NIPSNAP1: variants seen among roughly 807,000 people sequenced by gnomAD.
NIPSNAP1 encodes the protein nipsnap homolog 1.
In NIPSNAP1, 25 loss-of-function variants were observed where a neutral mutation model predicts 49.2. That is an observed-to-expected ratio of 0.51 (90% confidence interval 0.37 to 0.71). NIPSNAP1 has a LOEUF of 0.71. Ranked by LOEUF, NIPSNAP1 falls within the 30% of genes least tolerant of loss-of-function variation. NIPSNAP1 has a pLI of 0.00. For missense variants in NIPSNAP1, 294 were observed against 361.0 expected, an observed-to-expected ratio of 0.81 and a Z score of 1.50; for synonymous variants, 143 against 140.7, an observed-to-expected ratio of 1.02 and a Z score of -0.12.
intron 1 of NIPSNAP1, 107 bp from the exon 2 acceptor site, chr22:29,570,639 G>A (rs992472315): frequency 6.9e-7 from 1 of 1,446,654 alleles, no homozygotes; most frequent in African/African-American, 1.4e-5. Flanking sequence ...ACATTTCTGG[G>A]AACAGGGCCA....
At chr22:29,560,611 A>G in intron 8 of NIPSNAP1, 123 bp downstream of exon 8, 1 of 815,858 alleles carries the variant, frequency 1.2e-6, no homozygotes, top group Non-Finnish European at 2.2e-6. Context: ...CTTTACATCT[A>G]AGATAGTGTC....
At chr22:29,561,479 A>C in intron 6 of NIPSNAP1, 27 bp downstream of exon 6, 1 of 1,613,616 alleles carries the variant, frequency 6.2e-7, no homozygotes, top group Non-Finnish European at 8.5e-7. Flanking sequence ...ATTGGGGGGC[A>C]GGAGGGGGTC....
intron 4 of NIPSNAP1, among the ~76,000 whole-genome samples, chr22:29,565,994 A>C (rs2064365799): frequency 1.3e-5 from 2 of 152,170 alleles, no homozygotes; most frequent in African/African-American, 4.8e-5. Context: ...AGGAGTGTTC[A>C]AGGGAAGTTT....
intron 1 of NIPSNAP1, among the ~76,000 whole-genome samples, chr22:29,576,240 G>T (rs1375280387): frequency 6.6e-6 from 1 of 150,718 alleles, no homozygotes; most frequent in Non-Finnish European, 1.5e-5. Context: ...GGCTGGTCTC[G>T]AACTCCTGAC....
rs779336004 is a variant in NIPSNAP1 at position 29,555,899 on chromosome 22, A to G, written c.*36T>C. On this transcript the variant is annotated 3_prime_UTR_variant, in exon 10 of 10. Coordinates refer to ENST00000216121, the MANE Select transcript of NIPSNAP1 (RefSeq NM_003634.4). ...TGCCACTGTCTGTCGGGGTTGCCTG[A>G]GGGAGAAGGGGAAGGAGGTGGAGGT... 4.5e-6 allele frequency: 7 copies of G among 1,544,634 alleles called. No homozygotes were observed. The South Asian group carries it at 8.3e-5, about 18-fold the overall frequency.
At chr22:29,566,526 A>G (rs1002140677) in intron 4 of NIPSNAP1, among the ~76,000 whole-genome samples, 1 of 152,196 alleles carries the variant, frequency 6.6e-6, no homozygotes, top group Non-Finnish European at 1.5e-5. Context: ...ATAAATTTCA[A>G]TAGCTACATG....
chr22:29,575,744 TCA>T (rs2064447097), intron 1 of NIPSNAP1, among the ~76,000 whole-genome samples: 1 of 150,056 alleles, frequency 6.7e-6, no homozygotes, highest in Non-Finnish European at 1.5e-5. Context: ...AGATGGAGTC[TCA>T]GTCTGTCGTC....
At chr22:29,580,856 A>T (rs533870281) in intron 1 of NIPSNAP1, 129 bp downstream of exon 1, 4 of 734,758 alleles carry the variant, frequency 5.4e-6, no homozygotes, top group Non-Finnish European at 8.5e-6. Flanking sequence ...CTAGGCCTTG[A>T]TCCTGCCCCG....
chr22:29,565,851 G>C (rs771028182), intron 4 of NIPSNAP1, among the ~76,000 whole-genome samples: 3 of 152,200 alleles, frequency 2.0e-5, no homozygotes, highest in Non-Finnish European at 4.4e-5. Context: ...GTTAATGTCT[G>C]TTACGGAAAC....
At chr22:29,570,976 C>T (rs2064403883) in intron 1 of NIPSNAP1, among the ~76,000 whole-genome samples, 1 of 152,102 alleles carries the variant, frequency 6.6e-6, no homozygotes. Flanking sequence ...CCTCACTCTC[C>T]AGGTGTGCTC....
chr22:29,580,995 C>G lies in NIPSNAP1; in HGVS notation c.88G>C (p.Ala30Pro). ...TGGCCGGGCTCTCACCGCGCCGCAGCTGCAGACGCAACGTCCCCAGCGCGA... is the reference window on the plus strand; with the variant it reads ...TGGCCGGGCTCTCACCGCGCCGCAGGTGCAGACGCAACGTCCCCAGCGCGA... Reference protein sequence around the residue: ...GPRAGDVASAAAARFYSKDNE... With the variant: ...GPRAGDVASAPAARFYSKDNE... The change falls in exon 1 of 10, where the codon GCT (alanine) becomes CCT (proline). Residue 30 changes from alanine (A) to proline (P), a missense_variant. Ala to Pro is a conservative substitution (Grantham distance 27). Around this residue, in one of 4 missense-constraint regions of NIPSNAP1, gnomAD observed 88 missense variants for 76.1 expected, o/e 1.16. Coordinates refer to ENST00000216121, the MANE Select transcript of NIPSNAP1 (RefSeq NM_003634.4). 1 of 1,532,038 alleles carries G rather than the reference C, an allele frequency of 6.5e-7. No homozygotes were observed. The highest frequency in any genetic ancestry group is 8.7e-7 in the Non-Finnish European group (1 of 1,144,204). The allele number at this position is 1,532,038 out of a possible 1,614,324, so 94.9% of individuals were successfully genotyped here.
intron 1 of NIPSNAP1, chr22:29,580,085 A>T (rs1447785657): frequency 7.7e-7 from 1 of 1,303,772 alleles, no homozygotes; most frequent in Non-Finnish European, 1.0e-6. Flanking sequence ...GGGAGGGGGA[A>T]CAGGTGGCCT....
intron 4 of NIPSNAP1, among the ~76,000 whole-genome samples, chr22:29,563,723 C>CA (rs1172444326): frequency 6.6e-6 from 1 of 151,882 alleles, no homozygotes. Context: ...GTGTCCTTAT[C>CA]AGAAGTGGGA....
intron 1 of NIPSNAP1, chr22:29,580,207 G>T: frequency 7.7e-7 from 1 of 1,303,700 alleles, no homozygotes; most frequent in African/African-American, 1.5e-5. Context: ...AGACAGACAA[G>T]CACCAAGTCA....
chr22:29,562,094 G>A, intron 4 of NIPSNAP1, among the ~76,000 whole-genome samples: 1 of 152,168 alleles, frequency 6.6e-6, no homozygotes, highest in East Asian at 1.9e-4. Flanking sequence ...CAGCAGCCTT[G>A]GACTGCTCTA....
chr22:29,559,000 C>T (rs747351329), intron 8 of NIPSNAP1, 47 bp from the exon 9 acceptor site: 1 of 1,424,496 alleles, frequency 7.0e-7, no homozygotes, highest in Non-Finnish European at 9.9e-7. Flanking sequence ...AGGACTGGAT[C>T]CCTTACCCAG....
chr22:29,581,074 C>A lies in NIPSNAP1; in HGVS notation c.9G>T (p.Pro3=). The part of the protein sequence containing the change: MA[P]RLCSISVTAR... ...CCGTCACAGAGATGCTGCACAGCCG[C>A]GGAGCCATGTTGGAGCCGCAAAGGT... The change falls in exon 1 of 10, where the codon CCG becomes CCT. Residue 3 remains proline (P), a synonymous_variant. Transcript: ENST00000216121. 6.5e-7 allele frequency: 1 copy of A among 1,541,794 alleles called. No individual in the cohort carries two copies.
chr22:29,561,419 GC>G, intron 6 of NIPSNAP1, 86 bp downstream of exon 6: 3 of 1,582,890 alleles, frequency 1.9e-6, no homozygotes, highest in Non-Finnish European at 1.7e-6. Context: ...GAAGCCAGAA[GC>G]CCCAGTCTAG....
chr22:29,556,408 T>C (rs977325578), intron 9 of NIPSNAP1, among the ~76,000 whole-genome samples: 2 of 151,844 alleles, frequency 1.3e-5, no homozygotes, highest in Non-Finnish European at 2.9e-5. Context: ...CTTGTAATCC[T>C]AGCTACTCGG....
Sources: gnomAD v4.1 joint callset for allele counts (sites outside exome capture counted in the v4.1 genomes callset) on GRCh38, gnomAD v4.1.1 for gene constraint, gnomAD v4.1.1 regional missense constraint, MANE v1.5 for transcripts, NCBI Gene and HGNC (gene_info 2026-07-23, HGNC 2026-07-21) for gene names.